CNTN4: variants seen among roughly 807,000 people sequenced by gnomAD.
The protein encoded by CNTN4 is contactin 4.
A neutral mutation model predicts 122.5 loss-of-function variants in CNTN4; 77 were observed. The ratio of observed to expected loss-of-function variants is 0.63; its 90% CI spans 0.52 to 0.76. The LOEUF is 0.76. Among genes scored for constraint, CNTN4 ranks in the 30% least tolerant of loss-of-function variants. The pLI is 0.00. For missense variants in CNTN4, 1,256 were observed against 1,259.1 expected, an observed-to-expected ratio of 1.00 and a Z score of 0.04; for synonymous variants, 512 against 447.0, an observed-to-expected ratio of 1.15 and a Z score of -1.83.
intron 3 of CNTN4, among the ~76,000 whole-genome samples, chr3:2,380,854 T>G (rs2045991626): frequency 6.6e-6 from 1 of 152,184 alleles, no homozygotes; most frequent in Admixed American, 6.5e-5. Context: ...ATTTTGTGAT[T>G]TCTGTATTAG....
intron 4 of CNTN4, among the ~76,000 whole-genome samples, chr3:2,624,293 C>A (rs1418810197): frequency 6.6e-6 from 1 of 152,138 alleles, no homozygotes; most frequent in Non-Finnish European, 1.5e-5. Context: ...AGTGTGAACT[C>A]TTATGGTCGA....
At position 2,238,531 on chromosome 3, in the gene CNTN4, A is replaced by G. The variant is rs543822107; in HGVS notation, c.-144-100647A>G. Among the ~76,000 whole-genome samples, 7 of 151,934 alleles carry G rather than the reference A, an allele frequency of 4.6e-5. No individual in the cohort carries two copies. The East Asian group carries it at 1.4e-3, about 30-fold the overall frequency. ...AAAATATCTTAAATTTGTTATCTGA[A>G]TTGCTAAATACAATCTTCAATGTAT... On this transcript the variant is annotated intron_variant, in intron 2 of 24. Coordinates refer to ENST00000418658, the MANE Select transcript of CNTN4 (RefSeq NM_175607.3).
At chr3:2,430,112 C>A (rs1459360048) in intron 3 of CNTN4, among the ~76,000 whole-genome samples, 1 of 151,944 alleles carries the variant, frequency 6.6e-6, no homozygotes, top group Non-Finnish European at 1.5e-5. Context: ...GTGAGATGAA[C>A]CTGGTACCTC....
intron 13 of CNTN4, among the ~76,000 whole-genome samples, chr3:2,949,028 C>T (rs1329754447): frequency 6.6e-6 from 1 of 152,022 alleles, no homozygotes; most frequent in East Asian, 1.9e-4. Flanking sequence ...ATAGCCAGGC[C>T]CCTACTTATC....
At chr3:2,306,519 C>A (rs769877520) in intron 2 of CNTN4, among the ~76,000 whole-genome samples, 1 of 151,852 alleles carries the variant, frequency 6.6e-6, no homozygotes, top group Non-Finnish European at 1.5e-5. Context: ...TATAAGAGTT[C>A]TTGATATATT....
Position 2,479,913 on chromosome 3 carries a change from A to ACAC in CNTN4, c.-88-91491_-88-91489dup, listed in dbSNP as rs1182280923. ...ATCAATAATGTATAAAAATAATTAT[A>ACAC]CACCACCACCACCAAGTGGGATTCA... On this transcript the variant is annotated intron_variant, in intron 3 of 24. Coordinates refer to ENST00000418658, the MANE Select transcript of CNTN4 (RefSeq NM_175607.3). 3.3e-5 allele frequency among the ~76,000 whole-genome samples: 5 copies of ACAC among 152,346 alleles called. No homozygotes were observed. In the South Asian group the frequency reaches 8.3e-4, roughly 25 times the overall value.
At chr3:2,638,804 G>T (rs1422153886) in intron 4 of CNTN4, among the ~76,000 whole-genome samples, 1 of 152,080 alleles carries the variant, frequency 6.6e-6, no homozygotes, top group Non-Finnish European at 1.5e-5. Context: ...TCATTGCTCA[G>T]ACCAAAACCT....
chr3:2,815,595 G>A (rs1277977242), intron 6 of CNTN4, among the ~76,000 whole-genome samples: 1 of 152,122 alleles, frequency 6.6e-6, no homozygotes, highest in East Asian at 1.9e-4. Context: ...AGATGTTGGT[G>A]TAGATGCAGT....
intron 13 of CNTN4, among the ~76,000 whole-genome samples, chr3:2,978,062 A>G (rs568633036): frequency 4.1e-4 from 62 of 152,338 alleles, no homozygotes; most frequent in African/African-American, 1.4e-3. Flanking sequence ...CAGAGCCTCC[A>G]GCAGCAACCA....
chr3:2,252,350 T>C (rs1361667125), intron 2 of CNTN4, among the ~76,000 whole-genome samples: 3 of 152,158 alleles, frequency 2.0e-5, no homozygotes, highest in African/African-American at 7.2e-5. Flanking sequence ...ATGTATCTCT[T>C]TTTGGGATCT....
At chr3:2,964,161 C>T (rs1692052465) in intron 13 of CNTN4, among the ~76,000 whole-genome samples, 1 of 152,118 alleles carries the variant, frequency 6.6e-6, no homozygotes, top group South Asian at 2.1e-4. Context: ...CTGACTGATA[C>T]ACAATATGTG....
chr3:2,212,375 A>C (rs975840228), intron 2 of CNTN4, among the ~76,000 whole-genome samples: 14 of 152,188 alleles, frequency 9.2e-5, no homozygotes, highest in African/African-American at 3.4e-4. Context: ...TGGGTAACTG[A>C]CAAAGGAAAG....
intron 15 of CNTN4, among the ~76,000 whole-genome samples, chr3:3,030,489 C>T (rs537741505): frequency 2.6e-5 from 4 of 152,212 alleles, no homozygotes; most frequent in African/African-American, 4.8e-5. Context: ...CTAAAGTATC[C>T]GAACGCCAAC....
chr3:2,600,026 T>TGCCAAAACA, intron 4 of CNTN4, among the ~76,000 whole-genome samples: 1 of 145,306 alleles, frequency 6.9e-6, no homozygotes, highest in African/African-American at 2.6e-5. Context: ...TTTTTTTTTT[T>TGCCAAAACA]TTTTTTTTTG....
At chr3:2,624,853 C>T (rs1050538138) in intron 4 of CNTN4, among the ~76,000 whole-genome samples, 2 of 151,772 alleles carry the variant, frequency 1.3e-5, no homozygotes, top group Non-Finnish European at 2.9e-5. Context: ...AGGCTGGTCT[C>T]GAACTCCTGG....
chr3:2,724,235 T>C lies in CNTN4; in HGVS notation c.56-11980T>C, dbSNP rs557852253. ...CTTTCTAGTTTCAGTCAGTGGGTAATGTAGAACATATGTCTGGTTTGGATT... is the reference window on the plus strand; with the variant it reads ...CTTTCTAGTTTCAGTCAGTGGGTAACGTAGAACATATGTCTGGTTTGGATT... On this transcript the variant is annotated intron_variant, in intron 4 of 24. Coordinates refer to ENST00000418658, the MANE Select transcript of CNTN4 (RefSeq NM_175607.3). Among the ~76,000 whole-genome samples the C allele has an allele frequency of 3.9e-5, 6 of 152,260 alleles. No individual in the cohort carries two copies. In the East Asian group the frequency reaches 1.2e-3, roughly 29 times the overall value.
At chr3:2,667,652 AT>A in intron 4 of CNTN4, among the ~76,000 whole-genome samples, 1 of 139,878 alleles carries the variant, frequency 7.1e-6, no homozygotes, top group Non-Finnish European at 1.5e-5. Context: ...TGTTTTAGAC[AT>A]GAAGTCCTTG....
chr3:2,700,452 T>C (rs1333087718), intron 4 of CNTN4, among the ~76,000 whole-genome samples: 3 of 152,218 alleles, frequency 2.0e-5, no homozygotes, highest in African/African-American at 7.2e-5. Context: ...ATTTTCATCA[T>C]TTCCAACAAT....
At chr3:2,136,796 GTTTACTTTTGTAT>G (rs2034714939) in intron 2 of CNTN4, among the ~76,000 whole-genome samples, 1 of 151,908 alleles carries the variant, frequency 6.6e-6, no homozygotes, top group Non-Finnish European at 1.5e-5. Context: ...AATTGATTCC[GTTTACTTTTGTAT>G]TAGTGTACTG....
Sources: gnomAD v4.1 joint callset for allele counts (sites outside exome capture counted in the v4.1 genomes callset) on GRCh38, gnomAD v4.1.1 for gene constraint, MANE v1.5 for transcripts, NCBI Gene and HGNC (gene_info 2026-07-23, HGNC 2026-07-21) for gene names.